The following OR5B3 variants were observed in gnomAD, a reference collection of about 807,000 sequenced individuals.
OR5B3 encodes the protein olfactory receptor family 5 subfamily B member 3.
For synonymous variants in OR5B3, 150 were observed against 135.0 expected, an observed-to-expected ratio of 1.11 and a Z score of -0.77; for missense variants, 430 against 375.4, an observed-to-expected ratio of 1.15 and a Z score of -1.20.
intron 1 of OR5B3, among the ~76,000 whole-genome samples, chr11:58,403,749 C>T (rs1315889548): frequency 1.3e-5 from 2 of 152,094 alleles, no homozygotes; most frequent in African/African-American, 4.8e-5. Flanking sequence ...TTTTCCTGAG[C>T]ACAGTAAAAG....
intron 1 of OR5B3, among the ~76,000 whole-genome samples, chr11:58,403,872 A>T (rs1855068740): frequency 6.6e-6 from 1 of 152,228 alleles, no homozygotes; most frequent in Non-Finnish European, 1.5e-5. Flanking sequence ...CATTTAAATT[A>T]TGAAGCACAG....
chr11:58,403,561 G>A (rs772368164), intron 1 of OR5B3, 126 bp from the exon 2 acceptor site: 13 of 516,766 alleles, frequency 2.5e-5, no homozygotes, highest in East Asian at 5.8e-5. Context: ...GAAAAAGCGC[G>A]GCCTTGACAA....
chr11:58,406,345 C>A (rs1855099873), intron 1 of OR5B3, among the ~76,000 whole-genome samples: 1 of 152,132 alleles, frequency 6.6e-6, no homozygotes. Flanking sequence ...AAAGTCAAAA[C>A]TTTCAGCCAC....
Position 58,403,003 on chromosome 11 carries a change from G to A in OR5B3, c.407C>T (p.Thr136Ile), listed in dbSNP as rs936581005. The A allele has an allele frequency of 8.1e-6, 13 of 1,613,950 alleles. No individual in the cohort carries two copies. The highest frequency in any genetic ancestry group is 1.1e-5 in the Non-Finnish European group (13 of 1,179,992). Residue 136 changes from threonine (T) to isoleucine (I), a missense_variant, in exon 2 of 2, where the codon ACA becomes ATA. Transcript: ENST00000641865. Reference protein sequence around the residue: ...KPLHYTTTMTTTVCARLAIGS... With the variant: ...KPLHYTTTMTITVCARLAIGS... ...TATGGCCAGACGAGCACACACAGTT[G>A]TTGTCATGGTTGTGGTGTAATGTAG...
chr11:58,403,339 G>A lies in OR5B3; in HGVS notation c.71C>T (p.Pro24Leu), dbSNP rs1855061904. 6.2e-7 allele frequency: 1 copy of A among 1,612,424 alleles called. No individual in the cohort carries two copies. The highest frequency in any genetic ancestry group is 2.2e-5 in the East Asian group (1 of 44,874). Residue 24 changes from proline to leucine, a missense_variant, in exon 2 of 2, where the codon CCC becomes CTC. Coordinates refer to ENST00000641865, the MANE Select transcript of OR5B3 (RefSeq NM_001005469.2). ...GATGAAGGGGAACGTTATAAAGAGG[G>A]GAACCTGCAGTTCTGAGTCATTGGT... ...GLTNDSELQV[P>L]LFITFPFIYI...
Position 58,402,643 on chromosome 11 carries a change from A to C in OR5B3, c.767T>G (p.Met256Arg). The C allele has an allele frequency of 6.2e-7, 1 of 1,613,996 alleles. No individual in the cohort carries two copies. The highest frequency in any genetic ancestry group is 2.2e-5 in the East Asian group (1 of 44,876). The change falls in exon 2 of 2, where the codon ATG becomes AGG. Residue 256 changes from methionine (M) to arginine (R), a missense_variant. Physicochemically the swap from Met to Arg is moderately conservative, Grantham distance 91. Coordinates refer to ENST00000641865, the MANE Select transcript of OR5B3 (RefSeq NM_001005469.2). Reference protein sequence around the residue: ...VGIFYGTIIFMYLQPSSSHSM... With the variant: ...VGIFYGTIIFRYLQPSSSHSM... The stretch of plus-strand genomic sequence containing the variant: ...GTGACTGGAGCTGGGTTGTAAGTAC[A>C]TGAAGATAATAGTCCCATAGAAGAT...
chr11:58,403,394 CTG>C lies in OR5B3; in HGVS notation c.14_15del (p.Thr5ArgfsTer13), dbSNP rs750955185. MENK[T>X]EVTQFILLGL... ...CCTAGAAGAATGAATTGTGTTACTT[CTG>C]TCTTATTTTCCATCACTGCTCTGGG... On this transcript the variant is annotated frameshift_variant, in exon 2 of 2. Coordinates refer to ENST00000641865, the MANE Select transcript of OR5B3 (RefSeq NM_001005469.2). LOFTEE classifies it low-confidence loss of function (END_TRUNC). 9 of 1,575,208 alleles carry C rather than the reference CTG, an allele frequency of 5.7e-6. No individual in the cohort carries two copies. The South Asian group carries it at 9.3e-5, about 16-fold the overall frequency.
Position 58,404,715 on chromosome 11 carries a change from C to T in OR5B3, c.-26-1280G>A, listed in dbSNP as rs551939539. Among the ~76,000 whole-genome samples the T allele has an allele frequency of 1.1e-4, 17 of 152,144 alleles. No homozygotes were observed. The East Asian group carries it at 2.3e-3, about 21-fold the overall frequency. Reference sequence around the variant, plus strand: ...AAAGTTTCTTTTTCCTAAAGCCATTCTTTCTCTTATTACTGTTATTCCATA... The same window carrying T: ...AAAGTTTCTTTTTCCTAAAGCCATTTTTTCTCTTATTACTGTTATTCCATA... On this transcript the variant is annotated intron_variant, in intron 1 of 1. Coordinates refer to ENST00000641865, the MANE Select transcript of OR5B3 (RefSeq NM_001005469.2).
chr11:58,402,861 CATGACTGCTGGA>C lies in OR5B3; in HGVS notation c.537_548del (p.Ile179_Val182del). ...TATGTCTATCAGAGCAAGAGAGAAC[CATGACTGCTGGA>C]ATATCACAGAAAAAGTGATGGACTT... On this transcript the variant is annotated inframe_deletion, in exon 2 of 2. Coordinates refer to ENST00000641865, the MANE Select transcript of OR5B3 (RefSeq NM_001005469.2). 1 of 1,613,928 alleles carries C rather than the reference CATGACTGCTGGA, an allele frequency of 6.2e-7. No individual in the cohort carries two copies. The highest frequency in any genetic ancestry group is 8.5e-7 in the Non-Finnish European group (1 of 1,179,886).
rs11229409 is a variant in OR5B3, at chr11:58,402,670, C to G, written c.740G>C (p.Gly247Ala). Residue 247 changes from glycine to alanine, a missense_variant, in exon 2 of 2, where the codon GGC becomes GCC. By Grantham distance (60) the Gly-to-Ala change is moderately conservative (BLOSUM62 0). Coordinates refer to ENST00000641865, the MANE Select transcript of OR5B3 (RefSeq NM_001005469.2). ...GAAGATAATAGTCCCATAGAAGATG[C>G]CGACTGCAATGAAATGAGAGGCACA... ...STCASHFIAV[G>A]IFYGTIIFMY... The G allele has an allele frequency of 0.35, 561,429 of 1,612,734 alleles. 100,166 individuals carry two copies. Among genetic ancestry groups the G allele is most frequent in the Non-Finnish European group, 0.37 (435,148 of 1,179,066 alleles).
intron 1 of OR5B3, among the ~76,000 whole-genome samples, chr11:58,405,361 T>C (rs1240601480): frequency 6.6e-6 from 1 of 152,114 alleles, no homozygotes; most frequent in Non-Finnish European, 1.5e-5. Flanking sequence ...TGCCCATCAA[T>C]GATAGACTGG....
chr11:58,404,233 C>T (rs1466054965), intron 1 of OR5B3, among the ~76,000 whole-genome samples: 1 of 151,656 alleles, frequency 6.6e-6, no homozygotes, highest in Non-Finnish European at 1.5e-5. Context: ...CGTATCAGTC[C>T]ACGACTTACC....
At chr11:58,403,934 C>T (rs937843465) in intron 1 of OR5B3, among the ~76,000 whole-genome samples, 6 of 152,142 alleles carry the variant, frequency 3.9e-5, no homozygotes, top group Non-Finnish European at 8.8e-5. Flanking sequence ...GCAAGCCATG[C>T]TTTGGACCCA....
chr11:58,402,762 G>A lies in OR5B3; in HGVS notation c.648C>T (p.Tyr216=). ...TTAGGATGGTGATAAAAATGAATGTGTAGGATATCAAGATAACCAGGAGAG... is the reference window on the plus strand; with the variant it reads ...TTAGGATGGTGATAAAAATGAATGTATAGGATATCAAGATAACCAGGAGAG... ...FIALLVILIS[Y]TFIFITILKM... is the part of the protein sequence containing the mutation. The change falls in exon 2 of 2, where the codon TAC becomes TAT. Residue 216 remains tyrosine (Y), a synonymous_variant. Coordinates refer to ENST00000641865, the MANE Select transcript of OR5B3 (RefSeq NM_001005469.2). 6.2e-7 allele frequency: 1 copy of A among 1,613,850 alleles called. No individual in the cohort carries two copies. The highest frequency in any genetic ancestry group is 8.5e-7 in the Non-Finnish European group (1 of 1,179,926).
In OR5B3 at chr11:58,403,324, A is replaced by G. The variant is rs763689992; in HGVS notation, c.86T>C (p.Phe29Ser). The G allele has an allele frequency of 4.3e-6, 7 of 1,612,674 alleles. No homozygotes were observed. Among genetic ancestry groups the G allele is most frequent in the South Asian group, 1.1e-5 (1 of 91,038 alleles). ...SELQVPLFIT[F>S]PFIYIITLVG... ...CAGAGTGATAATATAGATGAAGGGG[A>G]ACGTTATAAAGAGGGGAACCTGCAG... Residue 29 changes from phenylalanine to serine, a missense_variant, in exon 2 of 2, where the codon TTC (phenylalanine) becomes TCC (serine). Transcript: ENST00000641865.
In OR5B3 at chr11:58,403,372, A is replaced by G. The variant is rs774371032; in HGVS notation, c.38T>C (p.Leu13Pro). Residue 13 changes from leucine to proline, a missense_variant, in exon 2 of 2, where the codon CTA becomes CCA. Coordinates refer to ENST00000641865, the MANE Select transcript of OR5B3 (RefSeq NM_001005469.2). Reference protein sequence around the residue: ...NKTEVTQFILLGLTNDSELQV... With the variant: ...NKTEVTQFILPGLTNDSELQV... ...CAGTTCTGAGTCATTGGTTAGTCCTAGAAGAATGAATTGTGTTACTTCTGT... is the reference window on the plus strand; with the variant it reads ...CAGTTCTGAGTCATTGGTTAGTCCTGGAAGAATGAATTGTGTTACTTCTGT... 5 of 1,601,374 alleles carry G rather than the reference A, an allele frequency of 3.1e-6. No homozygotes were observed. The South Asian group carries it at 5.6e-5, about 18-fold the overall frequency.
Position 58,402,671 on chromosome 11 carries a change from C to A in OR5B3, c.739G>T (p.Gly247Cys). 1 of 1,613,722 alleles carries A rather than the reference C, an allele frequency of 6.2e-7. No individual in the cohort carries two copies. ...STCASHFIAV[G>C]IFYGTIIFMY... ...AAGATAATAGTCCCATAGAAGATGC[C>A]GACTGCAATGAAATGAGAGGCACAG... is the stretch of plus-strand genomic sequence containing the variant. Residue 247 changes from glycine to cysteine, a missense_variant, in exon 2 of 2, where the codon GGC (glycine) becomes TGC (cysteine). By Grantham distance (159) the Gly-to-Cys change is radical. Coordinates refer to ENST00000641865, the MANE Select transcript of OR5B3 (RefSeq NM_001005469.2).
At chr11:58,404,142 T>G (rs574382668) in intron 1 of OR5B3, among the ~76,000 whole-genome samples, 7 of 152,200 alleles carry the variant, frequency 4.6e-5, no homozygotes, top group Admixed American at 2.0e-4. Flanking sequence ...GTTTGGGGCA[T>G]GTTCAACTAC....
Position 58,402,804 on chromosome 11 carries a change from G to T in OR5B3, c.606C>A (p.Ser202Arg). 1 of 1,613,732 alleles carries T rather than the reference G, an allele frequency of 6.2e-7. No individual in the cohort carries two copies. Among genetic ancestry groups the T allele is most frequent in the Non-Finnish European group, 8.5e-7 (1 of 1,179,818 alleles). The change falls in exon 2 of 2, where the codon AGC becomes AGA. Residue 202 changes from serine to arginine, a missense_variant. Transcript: ENST00000641865. ...ISELVLIYVV[S>R]FNIFIALLVI... ...CCAGGAGAGCTATAAAGATATTGAA[G>T]CTCACAACATAAATAAGAACAAGCT...
Sources: gnomAD v4.1 joint callset for allele counts (sites outside exome capture counted in the v4.1 genomes callset) on GRCh38, gnomAD v4.1.1 for gene constraint, MANE v1.5 for transcripts, NCBI Gene and HGNC (gene_info 2026-07-23, HGNC 2026-07-21) for gene names.